Variants in HEXD observed in about 807,000 individuals in gnomAD.
HEXD encodes the protein hexosaminidase D.
HEXD carries 47 observed loss-of-function variants against 54.2 expected under a neutral mutation model. The observed-to-expected ratio is 0.87, with a 90% CI of 0.69 to 1.11. The LOEUF (loss-of-function observed/expected upper bound fraction) is 1.11. HEXD is among the 50% of genes least tolerant of loss of function. HEXD has a pLI of 0.00. For synonymous variants in HEXD, 293 were observed against 287.6 expected, an observed-to-expected ratio of 1.02 and a Z score of -0.19; for missense variants, 576 against 649.2, an observed-to-expected ratio of 0.89 and a Z score of 1.23.
chr17:82,436,618 A>C, intron 6 of HEXD, 49 bp from the exon 7 acceptor site: 8 of 1,508,840 alleles, frequency 5.3e-6, no homozygotes, highest in Non-Finnish European at 7.2e-6. Context: ...CGAGGGGCTG[A>C]GAGTGTGGTC....
At chr17:82,433,600 A>T in intron 4 of HEXD, 58 bp from the exon 5 acceptor site, 1 of 1,453,090 alleles carries the variant, frequency 6.9e-7, no homozygotes, top group Non-Finnish European at 9.1e-7. Context: ...CCAGGTGGGC[A>T]GAAGGAGATC....
intron 3 of HEXD, among the ~76,000 whole-genome samples, chr17:82,425,071 C>T (rs1246086842): frequency 7.2e-6 from 1 of 138,542 alleles, no homozygotes; most frequent in Non-Finnish European, 1.5e-5. Context: ...CTGGAGAAGG[C>T]TGGAGAAGGC....
Position 82,419,892 on chromosome 17 carries a change from T to A in HEXD, c.84+9T>A. 1 of 1,558,428 alleles carries A rather than the reference T, an allele frequency of 6.4e-7. No homozygotes were observed. The highest frequency in any genetic ancestry group is 8.8e-7 in the Non-Finnish European group (1 of 1,130,376). On this transcript the variant is annotated intron_variant, in intron 2 of 12. Transcript: ENST00000327949. ...TCTCGTACCTCTCAGAGGTAAGGAC[T>A]CCCTTTTACCTCTAGAGCATTACTT...
In HEXD at chr17:82,424,417, A is replaced by G. The variant is rs2053334706; in HGVS notation, c.108A>G (p.Leu36=). 3.1e-6 allele frequency: 5 copies of G among 1,613,900 alleles called. No individual in the cohort carries two copies. The East Asian group carries it at 1.1e-4, about 36-fold the overall frequency. The change falls in exon 3 of 13, where the codon CTA becomes CTG. Residue 36 remains leucine, a synonymous_variant. Transcript: ENST00000327949. Reference sequence around the variant, plus strand: ...AGATTTTTCCTCTGTTCCGTGCGCTAGGTGCAAACGGCCTCCTCATTGAGT... The same window carrying G: ...AGATTTTTCCTCTGTTCCGTGCGCTGGGTGCAAACGGCCTCCTCATTGAGT... ...LSEIFPLFRA[L]GANGLLIEYE...
intron 1 of HEXD, 59 bp from the exon 2 acceptor site, chr17:82,419,690 G>A: frequency 1.6e-6 from 1 of 637,812 alleles, no homozygotes. Flanking sequence ...AAAGTATAAG[G>A]AGAAAGGCAA....
Position 82,434,457 on chromosome 17 carries a change from G to A in HEXD, c.447+635G>A, listed in dbSNP as rs8071692. Among the ~76,000 whole-genome samples the A allele has an allele frequency of 0.25, 37,600 of 152,150 alleles. 5,276 individuals are homozygous for A. Among genetic ancestry groups the A allele is most frequent in the East Asian group, 0.67 (3,437 of 5,168 alleles). ...CAGGGCTGTGGCTCACAGGGAACCC[G>A]AGCTGAACATTTTAGCCCCAGAAGT... On this transcript the variant is annotated intron_variant, in intron 5 of 12. Transcript: ENST00000327949. This position sits in a 1 kb window ranked among gnomAD's most constrained non-coding sequence, Gnocchi z 4.5.
At position 82,442,327 on chromosome 17, in the gene HEXD, G is replaced by A. The variant is rs370054215; in HGVS notation, c.1404G>A (p.Val468=). ...LQALLQDLSE[V]SAPPLPPTSP... ...CTCTGCTGCAGGACCTCAGCGAGGT[G>A]TCTGCCCCCCCGCTGCCACCCACCA... The change falls in exon 13 of 13, where the codon GTG becomes GTA. Residue 468 remains valine, a synonymous_variant. Coordinates refer to ENST00000327949, the MANE Select transcript of HEXD (RefSeq NM_001330542.2). The surrounding 1 kb of genome is among the most constrained non-coding windows in gnomAD (Gnocchi z 6.8). The A allele has an allele frequency of 2.3e-4, 374 of 1,610,626 alleles. No individual in the cohort carries two copies. The highest frequency in any genetic ancestry group is 3.0e-4 in the Non-Finnish European group (355 of 1,179,764).
chr17:82,428,743 A>G lies in HEXD; in HGVS notation c.282+98A>G, dbSNP rs552089924. 20 of 997,232 alleles carry G rather than the reference A, an allele frequency of 2.0e-5. No homozygotes were observed. In the East Asian group the frequency reaches 2.6e-4, roughly 13 times the overall value. The allele number at this position is 997,232 out of a possible 1,614,324, so 61.8% of individuals were successfully genotyped here. The stretch of plus-strand genomic sequence containing the variant: ...GCCCAGGGGTGGGTGCAGCGGGCCC[A>G]TGGTTGGGGTGCAGGCAGCGCAGCT... On this transcript the variant is annotated intron_variant, in intron 4 of 12. Coordinates refer to ENST00000327949, the MANE Select transcript of HEXD (RefSeq NM_001330542.2).
chr17:82,435,833 G>A lies in HEXD; in HGVS notation c.592G>A (p.Asp198Asn). ...CCCCAGCGTGACACCCCTGGTGTGG[G>A]ACGACATGCTCCGAGACCTGCCTGA... ...RRPSVTPLVW[D>N]DMLRDLPEDQ... Residue 198 changes from aspartate (D) to asparagine (N), a missense_variant, in exon 6 of 13, where the codon GAC (aspartate) becomes AAC (asparagine). By Grantham distance (23) the Asp-to-Asn change is conservative. Coordinates refer to ENST00000327949, the MANE Select transcript of HEXD (RefSeq NM_001330542.2). 1 of 1,611,868 alleles carries A rather than the reference G, an allele frequency of 6.2e-7. No homozygotes were observed. Among genetic ancestry groups the A allele is most frequent in the Non-Finnish European group, 8.5e-7 (1 of 1,179,628 alleles).
intron 4 of HEXD, among the ~76,000 whole-genome samples, chr17:82,433,130 T>TATA (rs2053656125): frequency 2.0e-4 from 4 of 20,048 alleles, no homozygotes; most frequent in Non-Finnish European, 3.0e-4. Context: ...ATATATATAT[T>TATA]TTTTTTTTTT....
chr17:82,440,109 A>G (rs2143622628), intron 9 of HEXD: 2 of 1,296,656 alleles, frequency 1.5e-6, no homozygotes, highest in East Asian at 5.4e-5. Flanking sequence ...CAGCACTCAC[A>G]CTTCCAGGTC....
intron 4 of HEXD, among the ~76,000 whole-genome samples, chr17:82,430,011 C>A (rs1241678711): frequency 6.6e-6 from 1 of 152,212 alleles, no homozygotes. Flanking sequence ...GTCAGCACCA[C>A]CACCCGCCAC....
chr17:82,423,991 C>G (rs2053319216), intron 2 of HEXD, among the ~76,000 whole-genome samples: 1 of 151,882 alleles, frequency 6.6e-6, no homozygotes, highest in Non-Finnish European at 1.5e-5. Flanking sequence ...TGCCCCGTCC[C>G]CCATGCCTTG....
chr17:82,426,508 C>A (rs1248498252), intron 3 of HEXD: 1 of 152,104 alleles, frequency 6.6e-6, no homozygotes, highest in Non-Finnish European at 1.5e-5. Flanking sequence ...CACCCAGGAC[C>A]CAGAGGCTGC....
chr17:82,438,408 C>T (rs2053835227), intron 8 of HEXD, among the ~76,000 whole-genome samples: 1 of 152,172 alleles, frequency 6.6e-6, no homozygotes, highest in Non-Finnish European at 1.5e-5. Flanking sequence ...TATCTAAGCA[C>T]TTCCTCAGCT....
chr17:82,437,364 G>A lies in HEXD; in HGVS notation c.899+1G>A, dbSNP rs1181063660. ...GCATCATCCTGACCGGCTGGCAGAGGTAAGTCCTGGCCAGTCTGTCCTCAG... is the reference window on the plus strand; with the variant it reads ...GCATCATCCTGACCGGCTGGCAGAGATAAGTCCTGGCCAGTCTGTCCTCAG... On this transcript the variant is annotated splice_donor_variant, in intron 8 of 12. Transcript: ENST00000327949. LOFTEE classifies it high-confidence loss of function. The A allele has an allele frequency of 1.3e-6, 2 of 1,589,618 alleles. No homozygotes were observed. Among genetic ancestry groups the A allele is most frequent in the African/African-American group, 1.3e-5 (1 of 74,710 alleles).
rs556685082 is a variant in HEXD at position 82,430,533 on chromosome 17, G to T, written c.282+1888G>T. 3.3e-4 allele frequency among the ~76,000 whole-genome samples: 51 copies of T among 152,266 alleles called. No individual in the cohort carries two copies. In the South Asian group the frequency reaches 3.7e-3, roughly 11 times the overall value. On this transcript the variant is annotated intron_variant, in intron 4 of 12. Coordinates refer to ENST00000327949, the MANE Select transcript of HEXD (RefSeq NM_001330542.2). ...CTCCTGAGCACCTGAGATTACAGGTGTACCCCACCATGCCCGGCTAACTTT... is the reference window on the plus strand; with the variant it reads ...CTCCTGAGCACCTGAGATTACAGGTTTACCCCACCATGCCCGGCTAACTTT...
Position 82,428,727 on chromosome 17 carries a change from T to C in HEXD, c.282+82T>C, listed in dbSNP as rs1445484527. On this transcript the variant is annotated intron_variant, in intron 4 of 12. Transcript: ENST00000327949. ...GCTGGGCCAGGCTTGTGCCCAGGGG[T>C]GGGTGCAGCGGGCCCATGGTTGGGG... 4 of 1,215,942 alleles carry C rather than the reference T, an allele frequency of 3.3e-6. No homozygotes were observed. The East Asian group carries it at 7.0e-5, about 21-fold the overall frequency. 75.3% of individuals were successfully genotyped at this position (1,215,942 alleles called of 1,614,324 possible).
At position 82,424,432 on chromosome 17, in the gene HEXD, C is replaced by T. The variant is rs752357919; in HGVS notation, c.123C>T (p.Leu41=). 11 of 1,614,042 alleles carry T rather than the reference C, an allele frequency of 6.8e-6. No homozygotes were observed. The highest frequency in any genetic ancestry group is 8.5e-6 in the Non-Finnish European group (10 of 1,180,018). ...TCCGTGCGCTAGGTGCAAACGGCCT[C>T]CTCATTGAGTATGAAGACATGTTTC... ...PLFRALGANG[L]LIEYEDMFPY... is the part of the protein sequence containing the mutation. Residue 41 remains leucine, a synonymous_variant, in exon 3 of 13, where the codon CTC becomes CTT. Transcript: ENST00000327949.
Sources: allele counts gnomAD v4.1 joint callset (sites outside exome capture counted in the v4.1 genomes callset), GRCh38; gene constraint gnomAD v4.1.1; non-coding constraint Gnocchi (gnomAD v3.1); transcripts MANE v1.5; gene names NCBI Gene and HGNC (gene_info 2026-07-23, HGNC 2026-07-21).